EXOC7: variants seen among roughly 807,000 people sequenced by gnomAD.
The protein encoded by EXOC7 is exocyst complex component 7, also known as exocyst complex component Exo70.
EXOC7 carries 51 observed loss-of-function variants against 87.6 expected under a neutral mutation model. The ratio of observed to expected loss-of-function variants is 0.58; its 90% CI spans 0.46 to 0.73. EXOC7 has a LOEUF of 0.73. EXOC7 is among the 30% of genes least tolerant of loss of function. EXOC7 has a pLI of 0.00. For synonymous variants in EXOC7, 327 were observed against 357.1 expected, an observed-to-expected ratio of 0.92 and a Z score of 0.95; for missense variants, 744 against 888.4, an observed-to-expected ratio of 0.84 and a Z score of 2.07.
Position 76,081,509 on chromosome 17 carries a change from C to G in EXOC7, c.*2139G>C. The G allele has an allele frequency of 6.2e-7, 1 of 1,611,086 alleles. No individual in the cohort carries two copies. Among genetic ancestry groups the G allele is most frequent in the Non-Finnish European group, 8.5e-7 (1 of 1,179,006 alleles). ...ATGCCCCCGATGCCCACCTCCTTCC[C>G]CCCCGCCGGGAAGGCCCTGACTTTT... On this transcript the variant is annotated 3_prime_UTR_variant, in exon 19 of 19. Coordinates refer to ENST00000589210, the MANE Select transcript of EXOC7 (RefSeq NM_001013839.4).
Position 76,101,761 on chromosome 17 carries a change from C to T in EXOC7, c.229G>A (p.Val77Ile). The T allele has an allele frequency of 6.2e-7, 1 of 1,614,140 alleles. No individual in the cohort carries two copies. Residue 77 changes from valine to isoleucine, a missense_variant, in exon 3 of 19, where the codon GTT (valine) becomes ATT (isoleucine). Val to Ile is a conservative substitution (Grantham distance 29, BLOSUM62 3). Around this residue, in one of 3 missense-constraint regions of EXOC7, gnomAD observed 512 missense variants for 573.0 expected, o/e 0.89. Transcript: ENST00000589210. Reference sequence around the variant, plus strand: ...TCCAGGCAGGACAGCGTCTTCTCAACATTCTCCTGCAGCCGCTGCAGATTC... The same window carrying T: ...TCCAGGCAGGACAGCGTCTTCTCAATATTCTCCTGCAGCCGCTGCAGATTC... ...TENLQRLQEN[V>I]EKTLSCLDHV...
At position 76,087,654 on chromosome 17, in the gene EXOC7, C is replaced by G; in HGVS notation, c.1429G>C (p.Glu477Gln). The change falls in exon 12 of 19, where the codon GAG (glutamate) becomes CAG (glutamine). Residue 477 changes from glutamate to glutamine, a missense_variant and splice_region_variant. Around this residue, in one of 3 missense-constraint regions of EXOC7, gnomAD observed 228 missense variants for 298.6 expected, o/e 0.76. Transcript: ENST00000589210. ...GGGCCCAACTGGGAGGTACCAGTAC[C>G]TTGGGAGGCCAGCATGGCGCCTGCC... The part of the protein sequence containing the change: ...ETAGAMLASQ[E>Q]TSSSATSYSS... 1 of 1,551,160 alleles carries G rather than the reference C, an allele frequency of 6.4e-7. No individual in the cohort carries two copies. Among genetic ancestry groups the G allele is most frequent in the South Asian group, 1.2e-5 (1 of 84,066 alleles).
At position 76,088,260 on chromosome 17, in the gene EXOC7, C is replaced by A. The variant is rs2067303199; in HGVS notation, c.1300-138G>T. Reference sequence around the variant, plus strand: ...GCACAAAGGCTGAGCCAGGCTGGACCAAGGGGGAGAGGCCCTTCCCACTTC... The same window carrying A: ...GCACAAAGGCTGAGCCAGGCTGGACAAAGGGGGAGAGGCCCTTCCCACTTC... On this transcript the variant is annotated intron_variant, in intron 10 of 18. Coordinates refer to ENST00000589210, the MANE Select transcript of EXOC7 (RefSeq NM_001013839.4). 6.8e-6 allele frequency: 7 copies of A among 1,030,816 alleles called. No homozygotes were observed. The South Asian group carries it at 7.3e-5, about 11-fold the overall frequency. 63.9% of individuals were successfully genotyped at this position (1,030,816 alleles called of 1,614,324 possible). A position where few individuals can be genotyped will look rare whatever the true frequency, so the allele number is the denominator to read the frequency against.
intron 2 of EXOC7, 83 bp from the exon 3 acceptor site, chr17:76,101,946 C>G (rs988755537): frequency 8.3e-7 from 1 of 1,202,352 alleles, no homozygotes; most frequent in African/African-American, 1.5e-5. Context: ...CATTTCCTGC[C>G]TTTTCTCTGG....
At chr17:76,100,614 CAA>C (rs1291190158) in intron 4 of EXOC7, among the ~76,000 whole-genome samples, 4 of 146,676 alleles carry the variant, frequency 2.7e-5, no homozygotes, top group Non-Finnish European at 5.9e-5. Context: ...GCTTGGGAAA[CAA>C]GAGCAAAACT....
intron 7 of EXOC7, chr17:76,090,800 C>A (rs1408845128): frequency 5.9e-6 from 3 of 510,566 alleles, no homozygotes; most frequent in Non-Finnish European, 1.1e-5. Flanking sequence ...GGCCGGGAGG[C>A]CTCGGCCAGC....
chr17:76,087,897 C>T (rs1245318924), intron 11 of EXOC7, 163 bp downstream of exon 11: 2 of 947,696 alleles, frequency 2.1e-6, no homozygotes, highest in East Asian at 2.6e-5. Flanking sequence ...CTGCTAGAGA[C>T]ACTAAACATG....
intron 15 of EXOC7, chr17:76,085,108 G>A (rs1001711147): frequency 3.4e-6 from 2 of 585,032 alleles, no homozygotes; most frequent in African/African-American, 1.9e-5. Flanking sequence ...CTCTAAAGTG[G>A]CCATAGTGGG....
At position 76,082,465 on chromosome 17, in the gene EXOC7, C is replaced by T; in HGVS notation, c.*1183G>A. 1.2e-6 allele frequency: 2 copies of T among 1,604,776 alleles called. No homozygotes were observed. The highest frequency in any genetic ancestry group is 2.2e-5 in the East Asian group (1 of 44,706). On this transcript the variant is annotated 3_prime_UTR_variant, in exon 19 of 19. Transcript: ENST00000589210. ...TTTCCCTGTATCTCTCCCCACAGAG[C>T]CCTCCAGAGGAGTAAAGGGGTCACA... is the stretch of plus-strand genomic sequence containing the variant.
chr17:76,088,170 C>G (rs780836520), intron 10 of EXOC7, 48 bp from the exon 11 acceptor site: 15 of 1,590,594 alleles, frequency 9.4e-6, no homozygotes, highest in African/African-American at 1.3e-5. Context: ...CCAGCCCACC[C>G]CATGCCCCAG....
intron 4 of EXOC7, among the ~76,000 whole-genome samples, chr17:76,099,365 G>A (rs535728696): frequency 6.6e-6 from 1 of 152,204 alleles, no homozygotes; most frequent in Non-Finnish European, 1.5e-5. Context: ...AAATTAGCTC[G>A]GTGTGGTGGC....
rs781416547 is a variant in EXOC7 at position 76,084,022 on chromosome 17, C to T, written c.1936G>A (p.Gly646Arg). Reference sequence around the variant, plus strand: ...AGGCCTCACTTCTGTAGAAAGGCCCCGTAGGTCTCCTTGACAATGGTCTTC... The same window carrying T: ...AGGCCTCACTTCTGTAGAAAGGCCCTGTAGGTCTCCTTGACAATGGTCTTC... The part of the protein sequence containing the change: ...AQKTIVKETY[G>R]AFLQKFGSVP... The change falls in exon 18 of 19, where the codon GGG becomes AGG. Residue 646 changes from glycine to arginine, a missense_variant. This residue lies in a region of EXOC7 where 228 missense variants were observed against 298.6 expected (regional missense o/e 0.76). Transcript: ENST00000589210. The T allele has an allele frequency of 5.0e-6, 8 of 1,594,078 alleles. No homozygotes were observed. The Admixed American group carries it at 5.4e-5, about 11-fold the overall frequency.
At chr17:76,087,856 T>C in intron 11 of EXOC7, 136 bp from the exon 12 acceptor site, 1 of 1,040,920 alleles carries the variant, frequency 9.6e-7, no homozygotes, top group Admixed American at 2.2e-5. Context: ...GAAACTTCAT[T>C]TTCACTCTAG....
chr17:76,103,594 C>G lies in EXOC7; in HGVS notation c.60+39G>C, dbSNP rs373022211. On this transcript the variant is annotated intron_variant, in intron 1 of 18. Transcript: ENST00000589210. ...ATCAGGCCCCGCTGTTGGCCCCTTT[C>G]CCTCACCTCCTCCCCAGCCTCCCCA... The G allele has an allele frequency of 1.1e-5, 18 of 1,607,686 alleles. No individual in the cohort carries two copies. In the African/African-American group the frequency reaches 2.1e-4, roughly 19 times the overall value.
Position 76,081,145 on chromosome 17 carries a change from T to C in EXOC7, c.*2503A>G. ...TTTGGGAAGCCCTTCTATGGATCGGTTTTGTGTCCAAGTCTGTCCCTGCCA... is the reference window on the plus strand; with the variant it reads ...TTTGGGAAGCCCTTCTATGGATCGGCTTTGTGTCCAAGTCTGTCCCTGCCA... On this transcript the variant is annotated 3_prime_UTR_variant, in exon 19 of 19. Coordinates refer to ENST00000589210, the MANE Select transcript of EXOC7 (RefSeq NM_001013839.4). 3 of 1,318,810 alleles carry C rather than the reference T, an allele frequency of 2.3e-6. No individual in the cohort carries two copies. In the South Asian group the frequency reaches 4.2e-5, roughly 19 times the overall value. 81.7% of individuals were successfully genotyped at this position (1,318,810 alleles called of 1,614,324 possible).
In EXOC7 at chr17:76,081,713, G is replaced by A; in HGVS notation, c.*1935C>T. The A allele has an allele frequency of 6.2e-7, 1 of 1,614,018 alleles. No homozygotes were observed. The highest frequency in any genetic ancestry group is 1.6e-4 in the Middle Eastern group (1 of 6,062). On this transcript the variant is annotated 3_prime_UTR_variant, in exon 19 of 19. Coordinates refer to ENST00000589210, the MANE Select transcript of EXOC7 (RefSeq NM_001013839.4). ...TTACCTCGTCCTCCACTCCTCCCTG[G>A]TGCAGGCCCTGCCCAGCTCCTCCTC...
intron 5 of EXOC7, among the ~76,000 whole-genome samples, chr17:76,095,205 A>C (rs1026028785): frequency 2.0e-5 from 3 of 148,150 alleles, no homozygotes; most frequent in African/African-American, 5.0e-5. Context: ...CAAATGATTC[A>C]CCAGCTTCAG....
At position 76,081,456 on chromosome 17, in the gene EXOC7, G is replaced by A. The variant is rs1164114137; in HGVS notation, c.*2192C>T. ...AGGGCTGCTGGAGGCGGGTGGGAGT[G>A]AGGATGCACGGCCAGAGGCCAGGCC... On this transcript the variant is annotated 3_prime_UTR_variant, in exon 19 of 19. Coordinates refer to ENST00000589210, the MANE Select transcript of EXOC7 (RefSeq NM_001013839.4). 1 of 1,611,644 alleles carries A rather than the reference G, an allele frequency of 6.2e-7. No homozygotes were observed. Among genetic ancestry groups the A allele is most frequent in the African/African-American group, 1.3e-5 (1 of 74,930 alleles).
At chr17:76,095,639 C>T (rs2067713965) in intron 5 of EXOC7, among the ~76,000 whole-genome samples, 1 of 151,978 alleles carries the variant, frequency 6.6e-6, no homozygotes, top group African/African-American at 2.4e-5. Context: ...TATCAGATAG[C>T]AAAAACAAAA....
Sources: allele counts gnomAD v4.1 joint callset (sites outside exome capture counted in the v4.1 genomes callset), GRCh38; gene constraint gnomAD v4.1.1; regional missense constraint gnomAD v4.1.1; transcripts MANE v1.5; gene names NCBI Gene and HGNC (gene_info 2026-07-23, HGNC 2026-07-21).